PACS1: variants seen among roughly 807,000 people sequenced by gnomAD.
PACS1 encodes PACS-1.
PACS1 carries 24 observed loss-of-function variants against 115.0 expected under a neutral mutation model. That is an observed-to-expected ratio of 0.21 (90% CI 0.15 to 0.29). PACS1 has a LOEUF of 0.29. PACS1 is among the 10% of genes least tolerant of loss of function. The probability of loss-of-function intolerance (pLI) is 1.00; values close to 1 mark genes in which losing one functional copy is unlikely to be tolerated. For missense variants in PACS1, 838 were observed against 1,251.2 expected, an observed-to-expected ratio of 0.67 and a Z score of 4.98; for synonymous variants, 453 against 504.5, an observed-to-expected ratio of 0.90 and a Z score of 1.37.
At chr11:66,212,622 GTTAA>G (rs974403406) in intron 4 of PACS1, among the ~76,000 whole-genome samples, 4 of 151,842 alleles carry the variant, frequency 2.6e-5, no homozygotes, top group African/African-American at 9.7e-5. Context: ...CCACCACAAA[GTTAA>G]TTAATAAGCA....
At chr11:66,083,776 T>G (rs573953891) in intron 1 of PACS1, among the ~76,000 whole-genome samples, 3 of 152,152 alleles carry the variant, frequency 2.0e-5, no homozygotes, top group Admixed American at 2.0e-4. Context: ...TTATAATAAA[T>G]GTGGAGGAAA....
Position 66,235,437 on chromosome 11 carries a change from G to C in PACS1, c.2207+34G>C. 7.0e-7 allele frequency: 1 copy of C among 1,433,550 alleles called. No individual in the cohort carries two copies. Among genetic ancestry groups the C allele is most frequent in the East Asian group, 2.3e-5 (1 of 43,900 alleles). The allele number at this position is 1,433,550 out of a possible 1,614,324, so 88.8% of individuals were successfully genotyped here. On this transcript the variant is annotated intron_variant, in intron 18 of 23. Coordinates refer to ENST00000320580, the MANE Select transcript of PACS1 (RefSeq NM_018026.4). This position sits in a 1 kb window ranked among gnomAD's most constrained non-coding sequence, Gnocchi z 5.6. ...GACTTTGAGGGGTTTCTTAAAAATA[G>C]GTTGGGTGGGTTAGAGGAATCTTGA...
At chr11:66,073,916 CTT>C (rs34145797) in intron 1 of PACS1, among the ~76,000 whole-genome samples, 239 of 76,920 alleles carry the variant, frequency 3.1e-3, no homozygotes, top group Middle Eastern at 0.019. Context: ...TCACACCTGG[CTT>C]TTTTTTTTTT....
chr11:66,132,693 G>T (rs1858731785), intron 1 of PACS1, among the ~76,000 whole-genome samples: 2 of 152,076 alleles, frequency 1.3e-5, no homozygotes, highest in Non-Finnish European at 2.9e-5. Flanking sequence ...TCTTGAGATG[G>T]AGTTTTACTC....
At chr11:66,164,611 A>G (rs1008447152) in intron 1 of PACS1, among the ~76,000 whole-genome samples, 2 of 144,432 alleles carry the variant, frequency 1.4e-5, no homozygotes, top group East Asian at 4.0e-4. Context: ...TAATACATAT[A>G]TATATGTATT....
chr11:66,240,246 G>C (rs1855784451), intron 21 of PACS1, among the ~76,000 whole-genome samples: 1 of 152,200 alleles, frequency 6.6e-6, no homozygotes, highest in Admixed American at 6.5e-5. Flanking sequence ...ATAGCAGGAG[G>C]CCGTGTCTTT....
In PACS1 at chr11:66,189,330, C is replaced by G. The variant is rs1017888478; in HGVS notation, c.357-4156C>G. 9.2e-5 allele frequency among the ~76,000 whole-genome samples: 14 copies of G among 152,286 alleles called. 2 individuals are homozygous for G. Among genetic ancestry groups the G allele is most frequent in the Admixed American group, 8.5e-4 (13 of 15,302 alleles). ...ATATCCAGTCTTGCTGTTGCTTTACCTAAGGTACTAAATCTTTCTTGGCCA... is the reference window on the plus strand; with the variant it reads ...ATATCCAGTCTTGCTGTTGCTTTACGTAAGGTACTAAATCTTTCTTGGCCA... On this transcript the variant is annotated intron_variant, in intron 1 of 23. Coordinates refer to ENST00000320580, the MANE Select transcript of PACS1 (RefSeq NM_018026.4).
intron 11 of PACS1, chr11:66,230,269 C>T: frequency 4.3e-6 from 2 of 463,544 alleles, no homozygotes; most frequent in East Asian, 4.1e-5. Flanking sequence ...CTGGAGACAG[C>T]AGATCATCAG....
At chr11:66,106,494 C>A (rs1435770943) in intron 1 of PACS1, among the ~76,000 whole-genome samples, 1 of 152,082 alleles carries the variant, frequency 6.6e-6, no homozygotes, top group African/African-American at 2.4e-5. Flanking sequence ...ATCACTTGAA[C>A]CCGGGGAGGT....
At chr11:66,199,125 C>T (rs963449805) in intron 2 of PACS1, among the ~76,000 whole-genome samples, 1 of 152,062 alleles carries the variant, frequency 6.6e-6, no homozygotes, top group Non-Finnish European at 1.5e-5. Context: ...ACCATCCTGG[C>T]TAACATGGTG....
At chr11:66,143,419 T>C (rs1859045910) in intron 1 of PACS1, among the ~76,000 whole-genome samples, 1 of 152,194 alleles carries the variant, frequency 6.6e-6, no homozygotes, top group South Asian at 2.1e-4. Context: ...CAAAGGCTCA[T>C]TTGTCTGCTT....
At chr11:66,135,392 A>G (rs1238511607) in intron 1 of PACS1, among the ~76,000 whole-genome samples, 1 of 152,190 alleles carries the variant, frequency 6.6e-6, no homozygotes, top group African/African-American at 2.4e-5. Flanking sequence ...GCTCTGAGAT[A>G]GGTAAGGCAC....
chr11:66,130,140 G>A (rs1274631667), intron 1 of PACS1, among the ~76,000 whole-genome samples: 6 of 152,204 alleles, frequency 3.9e-5, no homozygotes, highest in Non-Finnish European at 8.8e-5. Context: ...CCTTAAGGAT[G>A]TAACTTTCAG....
intron 1 of PACS1, among the ~76,000 whole-genome samples, chr11:66,135,836 T>C (rs1354697050): frequency 1.3e-5 from 2 of 152,256 alleles, no homozygotes; most frequent in East Asian, 3.9e-4. Flanking sequence ...TTTGTATTTT[T>C]AGTAGAGACG....
chr11:66,073,968 C>T (rs1054015015), intron 1 of PACS1, among the ~76,000 whole-genome samples: 1 of 148,698 alleles, frequency 6.7e-6, no homozygotes, highest in Non-Finnish European at 1.5e-5. Flanking sequence ...ACTATGTTGC[C>T]CAGGCTGGTC....
intron 1 of PACS1, among the ~76,000 whole-genome samples, chr11:66,190,817 T>A (rs1329814601): frequency 1.3e-5 from 2 of 152,114 alleles, no homozygotes; most frequent in Admixed American, 1.3e-4. Flanking sequence ...GGGGGGATTT[T>A]GGAGGAAACA....
chr11:66,123,671 G>A (rs1858501442), intron 1 of PACS1, among the ~76,000 whole-genome samples: 2 of 151,832 alleles, frequency 1.3e-5, no homozygotes, highest in Admixed American at 6.6e-5. Flanking sequence ...ATAGGCACCT[G>A]CCACCGCGCC....
intron 4 of PACS1, among the ~76,000 whole-genome samples, chr11:66,214,088 T>C (rs1174656231): frequency 6.7e-6 from 1 of 149,298 alleles, no homozygotes; most frequent in Non-Finnish European, 1.5e-5. Context: ...CATGTACTCA[T>C]TGGTGCAGCT....
chr11:66,192,303 C>G (rs555309640), intron 1 of PACS1, among the ~76,000 whole-genome samples: 2 of 152,290 alleles, frequency 1.3e-5, no homozygotes, highest in Admixed American at 1.3e-4. Flanking sequence ...AAGTTACACT[C>G]CAGTGGCATG....
Sources: gnomAD v4.1 joint callset for allele counts (sites outside exome capture counted in the v4.1 genomes callset) on GRCh38, gnomAD v4.1.1 for gene constraint, Gnocchi (gnomAD v3.1) non-coding constraint, MANE v1.5 for transcripts, NCBI Gene and HGNC (gene_info 2026-07-23, HGNC 2026-07-21) for gene names.